NBEA: variants seen among roughly 807,000 people sequenced by gnomAD.
NBEA encodes neurobeachin, also known as lysosomal-trafficking regulator 2.
NBEA carries 44 observed loss-of-function variants against 343.4 expected under a neutral mutation model. That is an observed-to-expected ratio of 0.13 (90% CI 0.10 to 0.16). NBEA has a LOEUF of 0.16. Among genes scored for constraint, NBEA ranks in the 10% least tolerant of loss-of-function variants. The pLI, the probability that NBEA is intolerant of heterozygous loss-of-function variation, is 1.00. For synonymous variants in NBEA, 1,175 were observed against 1,238.7 expected, an observed-to-expected ratio of 0.95 and a Z score of 1.08; for missense variants, 2,555 against 3,631.3, an observed-to-expected ratio of 0.70 and a Z score of 7.62.
intron 1 of NBEA, among the ~76,000 whole-genome samples, chr13:34,986,839 T>A (rs2060566393): frequency 6.6e-6 from 1 of 150,864 alleles, no homozygotes; most frequent in Admixed American, 6.6e-5. Flanking sequence ...TTGCAACCCC[T>A]GCTTTTTTTT....
chr13:34,987,523 G>C (rs2060595504), intron 1 of NBEA, among the ~76,000 whole-genome samples: 3 of 150,776 alleles, frequency 2.0e-5, no homozygotes, highest in Admixed American at 6.6e-5. Flanking sequence ...TGTGTTTCCT[G>C]AATTTGAATG....
intron 36 of NBEA, among the ~76,000 whole-genome samples, chr13:35,337,855 C>A (rs970425279): frequency 1.3e-5 from 2 of 151,722 alleles, no homozygotes; most frequent in African/African-American, 4.8e-5. Flanking sequence ...GGAAGTTAAA[C>A]AGGAAACTAC....
intron 41 of NBEA, among the ~76,000 whole-genome samples, chr13:35,492,534 A>G (rs2076538783): frequency 6.6e-6 from 1 of 151,878 alleles, no homozygotes; most frequent in Non-Finnish European, 1.5e-5. Flanking sequence ...GTAGAAGGAA[A>G]TGGTATCATT....
intron 44 of NBEA, among the ~76,000 whole-genome samples, chr13:35,555,691 G>T (rs1372870851): frequency 6.6e-6 from 1 of 152,008 alleles, no homozygotes; most frequent in Non-Finnish European, 1.5e-5. Context: ...TGAGATTTAA[G>T]TACTTCATCT....
At chr13:35,600,122 A>G (rs905493893) in intron 47 of NBEA, among the ~76,000 whole-genome samples, 1 of 152,240 alleles carries the variant, frequency 6.6e-6, no homozygotes, top group Non-Finnish European at 1.5e-5. Context: ...AAGAAGAGGC[A>G]GGTCCTAAGT....
At chr13:35,501,225 T>C (rs1398990419) in intron 41 of NBEA, among the ~76,000 whole-genome samples, 3 of 152,164 alleles carry the variant, frequency 2.0e-5, no homozygotes, top group Non-Finnish European at 2.9e-5. Flanking sequence ...GTCCTCAGTA[T>C]TAATTTGATG....
At chr13:35,375,368 A>G (rs1215098829) in intron 38 of NBEA, among the ~76,000 whole-genome samples, 1 of 152,138 alleles carries the variant, frequency 6.6e-6, no homozygotes, top group Non-Finnish European at 1.5e-5. Flanking sequence ...CTCCATTTTC[A>G]ACAACTTTTT....
chr13:35,588,802 G>A lies in NBEA; in HGVS notation c.7177-4526G>A, dbSNP rs551107383. Among the ~76,000 whole-genome samples, 8 of 152,190 alleles carry A rather than the reference G, an allele frequency of 5.3e-5. No homozygotes were observed. In the South Asian group the frequency reaches 1.5e-3, roughly 28 times the overall value. ...ATTAAATCTTTTTCCCTGGCTTGCT[G>A]ACCACTCAGTAACTCGTTCACCTTC... On this transcript the variant is annotated intron_variant, in intron 46 of 58. Coordinates refer to ENST00000379939, the MANE Select transcript of NBEA (RefSeq NM_001385012.1).
At chr13:35,407,003 A>G (rs1165473459) in intron 38 of NBEA, among the ~76,000 whole-genome samples, 2 of 146,236 alleles carry the variant, frequency 1.4e-5, no homozygotes, top group Non-Finnish European at 3.0e-5. Context: ...TCTGTTGCCC[A>G]GAATGGAGAG....
intron 12 of NBEA, 29 bp from the exon 13 acceptor site, chr13:35,110,781 T>C: frequency 6.4e-7 from 1 of 1,564,760 alleles, no homozygotes. Flanking sequence ...TTAAATTCAT[T>C]TTAATGATCT....
intron 8 of NBEA, among the ~76,000 whole-genome samples, chr13:35,063,004 T>C (rs1252686521): frequency 1.3e-5 from 2 of 151,968 alleles, no homozygotes; most frequent in African/African-American, 4.8e-5. Context: ...CAAAATTGCA[T>C]GTCTTTTCTT....
chr13:35,642,688 T>C (rs552124221), intron 49 of NBEA, among the ~76,000 whole-genome samples: 1 of 152,306 alleles, frequency 6.6e-6, no homozygotes, highest in Admixed American at 6.5e-5. Context: ...TGTGCAGGAA[T>C]GCTGATGTGG....
chr13:34,957,088 TACAC>T (rs1424524777), intron 1 of NBEA, among the ~76,000 whole-genome samples: 1 of 151,736 alleles, frequency 6.6e-6, no homozygotes, highest in Admixed American at 6.6e-5. Flanking sequence ...CACAAACACA[TACAC>T]ACACACATAT....
chr13:35,525,372 C>G (rs1488632836), intron 41 of NBEA, among the ~76,000 whole-genome samples: 1 of 152,002 alleles, frequency 6.6e-6, no homozygotes, highest in Non-Finnish European at 1.5e-5. Flanking sequence ...GCCAACATGG[C>G]AAAACCCCAT....
intron 24 of NBEA, among the ~76,000 whole-genome samples, chr13:35,165,300 G>A (rs1438109759): frequency 2.6e-5 from 4 of 152,110 alleles, no homozygotes; most frequent in Non-Finnish European, 4.4e-5. Flanking sequence ...CATCACCAGA[G>A]CAGCCTTGAA....
chr13:35,560,203 C>T (rs1256302358), intron 44 of NBEA, among the ~76,000 whole-genome samples: 3 of 136,158 alleles, frequency 2.2e-5, no homozygotes, highest in Non-Finnish European at 3.5e-5. Context: ...CAAACCTAGG[C>T]AGTTTAGCTC....
chr13:35,296,281 T>G (rs944438381), intron 35 of NBEA, among the ~76,000 whole-genome samples: 1 of 151,554 alleles, frequency 6.6e-6, no homozygotes, highest in Middle Eastern at 3.4e-3. Flanking sequence ...CTCAGGTGAC[T>G]GAGGCAGGAG....
At chr13:35,411,465 T>C (rs993834529) in intron 38 of NBEA, among the ~76,000 whole-genome samples, 21 of 151,588 alleles carry the variant, frequency 1.4e-4, no homozygotes, top group Non-Finnish European at 2.8e-4. Flanking sequence ...GTCTCTTCTT[T>C]TTTTTTTTTG....
At chr13:35,630,765 A>T (rs2083413563) in intron 49 of NBEA, among the ~76,000 whole-genome samples, 1 of 152,120 alleles carries the variant, frequency 6.6e-6, no homozygotes, top group South Asian at 2.1e-4. Flanking sequence ...CAGCCCCCAG[A>T]GGCCTGAGCA....
Sources: gnomAD v4.1 joint callset for allele counts (sites outside exome capture counted in the v4.1 genomes callset) on GRCh38, gnomAD v4.1.1 for gene constraint, MANE v1.5 for transcripts, NCBI Gene and HGNC (gene_info 2026-07-23, HGNC 2026-07-21) for gene names.